The following HAP1 variants were observed in gnomAD, a reference collection of about 807,000 sequenced individuals.
HAP1 encodes huntingtin-associated protein 1.
A neutral mutation model predicts 60.3 loss-of-function variants in HAP1; 59 were observed. The ratio of observed to expected loss-of-function variants is 0.98; its 90% CI spans 0.79 to 1.22. HAP1 has a LOEUF of 1.22. Ranked by LOEUF, HAP1 falls within the 50% of genes most tolerant of loss-of-function variation. The pLI is 0.00. For missense variants in HAP1, 825 were observed against 785.3 expected, an observed-to-expected ratio of 1.05 and a Z score of -0.60; for synonymous variants, 346 against 330.6, an observed-to-expected ratio of 1.05 and a Z score of -0.50.
downstream of HAP1, chr17:41,721,649 C>T (rs1052822990): frequency 2.0e-5 from 3 of 153,580 alleles, no homozygotes; most frequent in African/African-American, 4.8e-5. Context: ...CTCACTGCAA[C>T]CTCAACCTTC....
chr17:41,724,488 C>T lies in HAP1; in HGVS notation c.*213G>A. The stretch of plus-strand genomic sequence containing the variant: ...GCGCAGTGTGGGGGCACAGTCCCAG[C>T]CCTAACCCCCAGCCCAGCCCCCAGG... On this transcript the variant is annotated 3_prime_UTR_variant, in exon 11 of 11. Coordinates refer to ENST00000347901, the MANE Select transcript of HAP1 (RefSeq NM_177977.3). 1.7e-6 allele frequency: 1 copy of T among 585,848 alleles called. No individual in the cohort carries two copies. 36.3% of individuals were successfully genotyped at this position (585,848 alleles called of 1,614,324 possible).
Position 41,724,821 on chromosome 17 carries a change from G to A in HAP1, c.1740C>T (p.Ala580=). The A allele has an allele frequency of 6.2e-7, 1 of 1,613,164 alleles. No homozygotes were observed. The highest frequency in any genetic ancestry group is 8.5e-7 in the Non-Finnish European group (1 of 1,179,850). Reference sequence around the variant, plus strand: ...GCCTGTAATGGGCATCTTGCCAGTTGGCCAGCTGCTGGAGGACATAATTCA... The same window carrying A: ...GCCTGTAATGGGCATCTTGCCAGTTAGCCAGCTGCTGGAGGACATAATTCA... ...LDMNYVLQQL[A]NWQDAHYRRQ... Residue 580 remains alanine, a synonymous_variant, in exon 11 of 11, where the codon GCC becomes GCT. Transcript: ENST00000347901.
At chr17:41,718,641 A>C (rs1203882036), downstream of HAP1, among the ~76,000 whole-genome samples, 3 of 152,246 alleles carry the variant, frequency 2.0e-5, no homozygotes, top group Admixed American at 1.3e-4. Flanking sequence ...CTAGTGAGTC[A>C]AGTTTGTTAT....
In HAP1 at chr17:41,734,630, C is replaced by T. The variant is rs782344308; in HGVS notation, c.5G>A (p.Arg2His). 5 of 1,509,506 alleles carry T rather than the reference C, an allele frequency of 3.3e-6. No individual in the cohort carries two copies. The highest frequency in any genetic ancestry group is 4.8e-5 in the East Asian group (2 of 42,080). 93.5% of individuals were successfully genotyped at this position (1,509,506 alleles called of 1,614,324 possible). A position where few individuals can be genotyped will look rare whatever the true frequency, so the allele number is the denominator to read the frequency against. MRPKRLGRCCAG... is the reference protein window; with the variant it reads MHPKRLGRCCAG... ...GCAGCACCGGCCCAACCTCTTCGGG[C>T]GCATCTCGAGTCTGCCGTCCGCTGC... is the stretch of plus-strand genomic sequence containing the variant. The change falls in exon 1 of 11, where the codon CGC becomes CAC. Residue 2 changes from arginine to histidine, a missense_variant. Transcript: ENST00000347901.
Position 41,732,314 on chromosome 17 carries a change from G to A in HAP1, c.630C>T (p.Ile210=), listed in dbSNP as rs373928046. The change falls in exon 3 of 11, where the codon ATC becomes ATT. Residue 210 remains isoleucine (I), a synonymous_variant. Transcript: ENST00000347901. ...TGTTCTGTTTCACCAGGGACTGGCC[G>A]ATGCGAGCTGCAGTGTTCAGGTCCC... ...RERDLNTAAR[I]GQSLVKQNSV... is the part of the protein sequence containing the mutation. 10 of 1,613,912 alleles carry A rather than the reference G, an allele frequency of 6.2e-6. No individual in the cohort carries two copies. The Admixed American group carries it at 8.3e-5, about 13-fold the overall frequency.
chr17:41,723,180 CCT>C lies in HAP1; in HGVS notation c.*1519_*1520del, dbSNP rs1555587502. 6.6e-6 allele frequency: 1 copy of C among 152,244 alleles called. No homozygotes were observed. The highest frequency in any genetic ancestry group is 1.5e-5 in the Non-Finnish European group (1 of 68,104). The allele number at this position is 152,244 out of a possible 1,614,324, so 9.4% of individuals were successfully genotyped here. ...AGGGCTGAGTCTGGTAGCCAGTGGG[CCT>C]CTCCCGGGCTTCTCCTGCCCCCTGG... On this transcript the variant is annotated 3_prime_UTR_variant, in exon 11 of 11. Transcript: ENST00000347901.
At position 41,723,176 on chromosome 17, in the gene HAP1, T is replaced by G. The variant is rs7213337; in HGVS notation, c.*1525A>C. 2.2e-4 allele frequency: 34 copies of G among 152,184 alleles called. No homozygotes were observed. The highest frequency in any genetic ancestry group is 7.0e-4 in the African/African-American group (29 of 41,408). 9.4% of individuals were successfully genotyped at this position (152,184 alleles called of 1,614,324 possible). ...GCTCAGGGCTGAGTCTGGTAGCCAG[T>G]GGGCCTCTCCCGGGCTTCTCCTGCC... On this transcript the variant is annotated 3_prime_UTR_variant, in exon 11 of 11. Coordinates refer to ENST00000347901, the MANE Select transcript of HAP1 (RefSeq NM_177977.3).
At chr17:41,718,281 C>A (rs1228831847), downstream of HAP1, 4 of 216,216 alleles carry the variant, frequency 1.8e-5, no homozygotes, top group Admixed American at 8.8e-5. Context: ...AAGAACAATA[C>A]ATTTGTAGGC....
chr17:41,726,964 C>T (rs1271626983), intron 9 of HAP1, 89 bp downstream of exon 9: 13 of 676,660 alleles, frequency 1.9e-5, no homozygotes, highest in South Asian at 3.4e-5. Context: ...TATAGGGAAG[C>T]GTGGAAGGTC....
At position 41,725,160 on chromosome 17, in the gene HAP1, CGGG is replaced by C. The variant is rs1911531675; in HGVS notation, c.1407-9_1407-7del. The C allele has an allele frequency of 2.6e-6, 4 of 1,560,494 alleles. No individual in the cohort carries two copies. The East Asian group carries it at 9.0e-5, about 35-fold the overall frequency. ...CACTGTAGCGAAAATCATACCTGGG[CGGG>C]AGATAGCGACATCTTTTGAGGGGCT... On this transcript the variant is annotated splice_region_variant and splice_polypyrimidine_tract_variant and intron_variant, in intron 10 of 10. Transcript: ENST00000347901.
chr17:41,729,776 T>C (rs1198625896), intron 6 of HAP1, among the ~76,000 whole-genome samples: 3 of 146,708 alleles, frequency 2.0e-5, no homozygotes, highest in Admixed American at 1.4e-4. Flanking sequence ...CTCAGGAGGC[T>C]GAGGCAGGAG....
At position 41,732,243 on chromosome 17, in the gene HAP1, G is replaced by A. The variant is rs1474353561; in HGVS notation, c.701C>T (p.Ser234Leu). ...CCACCCGGTTACCTCCTCCTTGGCT[G>A]AGCCCAGCAGGGCTTCCAGCTTGCT... The part of the protein sequence containing the change: ...ENSKLEALLG[S>L]AKEEILYLRH... Residue 234 changes from serine (S) to leucine (L), a missense_variant, in exon 3 of 11, where the codon TCA (serine) becomes TTA (leucine). Coordinates refer to ENST00000347901, the MANE Select transcript of HAP1 (RefSeq NM_177977.3). The A allele has an allele frequency of 1.2e-6, 2 of 1,613,984 alleles. No individual in the cohort carries two copies. The highest frequency in any genetic ancestry group is 1.7e-6 in the Non-Finnish European group (2 of 1,180,008).
At chr17:41,727,308 C>T (rs1032710927) in intron 8 of HAP1, 164 bp from the exon 9 acceptor site, 1 of 780,904 alleles carries the variant, frequency 1.3e-6, no homozygotes, top group Non-Finnish European at 2.4e-6. Context: ...CAGAGGCACG[C>T]TGTATGGGTA....
chr17:41,718,819 A>G (rs73300090), downstream of HAP1, among the ~76,000 whole-genome samples: 1,429 of 152,282 alleles, frequency 9.4e-3, 28 homozygotes, highest in African/African-American at 0.033. Flanking sequence ...CCTTACGTCC[A>G]CCAAGGATAC....
rs1911764117 is a variant in HAP1, at chr17:41,727,558, G to A, written c.1275+204C>T. The A allele has an allele frequency of 1.0e-5, 7 of 687,754 alleles. No homozygotes were observed. In the Admixed American group the frequency reaches 1.2e-4, roughly 12 times the overall value. The allele number at this position is 687,754 out of a possible 1,614,324, so 42.6% of individuals were successfully genotyped here. A position where few individuals can be genotyped will look rare whatever the true frequency, so the allele number is the denominator to read the frequency against. On this transcript the variant is annotated intron_variant, in intron 8 of 10. Transcript: ENST00000347901. ...CTCCAAGTGTCATGTGGGGGACCCA[G>A]GGCAGGTCCCTGCACTCCACACCAC...
In HAP1 at chr17:41,724,552, C is replaced by A; in HGVS notation, c.*149G>T. ...GAGATCTGGAATCCTAAGCAAATGC[C>A]ACATAAATGAGCACTGACACTACGG... On this transcript the variant is annotated 3_prime_UTR_variant, in exon 11 of 11. Transcript: ENST00000347901. 1.5e-6 allele frequency: 1 copy of A among 662,416 alleles called. No individual in the cohort carries two copies. The highest frequency in any genetic ancestry group is 2.6e-6 in the Non-Finnish European group (1 of 378,316). The allele number at this position is 662,416 out of a possible 1,614,324, so 41.0% of individuals were successfully genotyped here.
rs1911441935 is a variant in HAP1, at chr17:41,724,476, GCA to G, written c.*223_*224del. Reference sequence around the variant, plus strand: ...TGGGAAGCTGAGGCGCAGTGTGGGGGCACAGTCCCAGCCCTAACCCCCAGCCC... The same window carrying G: ...TGGGAAGCTGAGGCGCAGTGTGGGGGCAGTCCCAGCCCTAACCCCCAGCCC... On this transcript the variant is annotated 3_prime_UTR_variant, in exon 11 of 11. Coordinates refer to ENST00000347901, the MANE Select transcript of HAP1 (RefSeq NM_177977.3). The G allele has an allele frequency of 5.4e-6, 3 of 557,328 alleles. No homozygotes were observed. The highest frequency in any genetic ancestry group is 2.4e-5 in the South Asian group (1 of 40,934). The allele number at this position is 557,328 out of a possible 1,614,324, so 34.5% of individuals were successfully genotyped here.
At chr17:41,733,054 G>GTTTTTTTTTTTTT (rs71155166) in intron 1 of HAP1, among the ~76,000 whole-genome samples, 1 of 99,076 alleles carries the variant, frequency 1.0e-5, no homozygotes, top group Non-Finnish European at 1.8e-5. Context: ...TTTTTTTTTG[G>GTTTTTTTTTTTTT]TTTTTTTTTT....
At chr17:41,730,857 C>T (rs1912137646) in intron 6 of HAP1, among the ~76,000 whole-genome samples, 1 of 152,102 alleles carries the variant, frequency 6.6e-6, no homozygotes, top group African/African-American at 2.4e-5. Flanking sequence ...TCTCTGGCAG[C>T]TCATGGCTCC....
Sources: gnomAD v4.1 joint callset for allele counts (sites outside exome capture counted in the v4.1 genomes callset) on GRCh38, gnomAD v4.1.1 for gene constraint, MANE v1.5 for transcripts, NCBI Gene and HGNC (gene_info 2026-07-23, HGNC 2026-07-21) for gene names.